The following ASB18 variants were observed in gnomAD, a reference collection of about 807,000 sequenced individuals.
ASB18 encodes the protein ankyrin repeat and SOCS box containing 18.
Under a neutral mutation model 33.4 loss-of-function variants are expected in ASB18, and 33 were observed. That is an observed-to-expected ratio of 0.99 (90% CI 0.75 to 1.32). ASB18 has a LOEUF of 1.32. ASB18 is among the 40% of genes most tolerant of loss of function. The pLI is 0.00. For synonymous variants in ASB18, 295 were observed against 307.6 expected (o/e 0.96, Z 0.43); for missense variants, 694 against 655.5 (o/e 1.06, Z -0.64).
intron 4 of ASB18, among the ~76,000 whole-genome samples, chr2:236,197,098 C>A (rs2060378046): frequency 6.6e-6 from 1 of 151,178 alleles, no homozygotes. Context: ...CATGGTTGAT[C>A]CTGCCCATCC....
Position 236,235,397 on chromosome 2 carries a change from A to T in ASB18, c.596+2292T>A, listed in dbSNP as rs1481232676. Among the ~76,000 whole-genome samples, 2 of 152,248 alleles carry T rather than the reference A, an allele frequency of 1.3e-5. No individual in the cohort carries two copies. Among genetic ancestry groups the T allele is most frequent in the Non-Finnish European group, 2.9e-5 (2 of 68,038 alleles). On this transcript the variant is annotated intron_variant, in intron 3 of 5. Coordinates refer to ENST00000409749, the MANE Select transcript of ASB18 (RefSeq NM_212556.4). This position sits in a 1 kb window ranked among gnomAD's most constrained non-coding sequence, Gnocchi z 6.2. ...GGCTATGCCATCCTGGTTTGTGTAA[A>T]TATACTCTATGATGTTTACACAATG...
chr2:236,242,918 G>A (rs1297187439), intron 1 of ASB18, among the ~76,000 whole-genome samples: 3 of 151,194 alleles, frequency 2.0e-5, no homozygotes, highest in Admixed American at 2.0e-4. Flanking sequence ...TATTTGGGAG[G>A]CTAAGGTGGG....
In ASB18 at chr2:236,252,081, A is replaced by T. The variant is rs186031721; in HGVS notation, c.206-10679T>A. ...AGGTCAGGAGTTCCAGACCAGGCTG[A>T]CCAACAGGGTAAAACCCCGTCTCTA... is the stretch of plus-strand genomic sequence containing the variant. On this transcript the variant is annotated intron_variant, in intron 1 of 5. Coordinates refer to ENST00000409749, the MANE Select transcript of ASB18 (RefSeq NM_212556.4). The surrounding 1 kb of genome is among the most constrained non-coding windows in gnomAD (Gnocchi z 7.9). Among the ~76,000 whole-genome samples, 29 of 152,274 alleles carry T rather than the reference A, an allele frequency of 1.9e-4. No individual in the cohort carries two copies. Among genetic ancestry groups the T allele is most frequent in the African/African-American group, 6.3e-4 (26 of 41,558 alleles).
rs1482970137 is a variant in ASB18, at chr2:236,217,162, C to T, written c.597-2296G>A. Reference sequence around the variant, plus strand: ...GTGGCTCATGCCGGTAATCCCAGCACTTTGGGAGTCTGAGGTGAGTGGATC... The same window carrying T: ...GTGGCTCATGCCGGTAATCCCAGCATTTTGGGAGTCTGAGGTGAGTGGATC... On this transcript the variant is annotated intron_variant, in intron 3 of 5. Coordinates refer to ENST00000409749, the MANE Select transcript of ASB18 (RefSeq NM_212556.4). This position sits in a 1 kb window ranked among gnomAD's most constrained non-coding sequence, Gnocchi z 5.2. Among the ~76,000 whole-genome samples, 4 of 152,190 alleles carry T rather than the reference C, an allele frequency of 2.6e-5. No homozygotes were observed. Among genetic ancestry groups the T allele is most frequent in the Non-Finnish European group, 5.9e-5 (4 of 68,042 alleles).
Position 236,225,809 on chromosome 2 carries a change from TA to T in ASB18, c.597-10944del, listed in dbSNP as rs5839629. 0.14 allele frequency among the ~76,000 whole-genome samples: 20,639 copies of T among 151,740 alleles called. 1,460 individuals carry two copies. The highest frequency in any genetic ancestry group is 0.22 in the Middle Eastern group (64 of 292). On this transcript the variant is annotated intron_variant, in intron 3 of 5. Transcript: ENST00000409749. The surrounding 1 kb of genome is among the most constrained non-coding windows in gnomAD (Gnocchi z 5.1). Reference sequence around the variant, plus strand: ...GGAAGCACAGGTAATTTTTTTTTTTTAATCCCAGGAACTCAGAGACTCAAAG... The same window carrying T: ...GGAAGCACAGGTAATTTTTTTTTTTTATCCCAGGAACTCAGAGACTCAAAG...
chr2:236,252,440 G>C lies in ASB18; in HGVS notation c.206-11038C>G, dbSNP rs545186861. ...TTAAGATGGGGATGCCTCAAATAAGGAATCAGAGTGATGGGGTAGGGATAG... is the reference window on the plus strand; with the variant it reads ...TTAAGATGGGGATGCCTCAAATAAGCAATCAGAGTGATGGGGTAGGGATAG... On this transcript the variant is annotated intron_variant, in intron 1 of 5. Coordinates refer to ENST00000409749, the MANE Select transcript of ASB18 (RefSeq NM_212556.4). The surrounding 1 kb of genome is among the most constrained non-coding windows in gnomAD (Gnocchi z 7.9). Among the ~76,000 whole-genome samples the C allele has an allele frequency of 3.6e-4, 55 of 152,222 alleles. No individual in the cohort carries two copies. The highest frequency in any genetic ancestry group is 1.0e-3 in the African/African-American group (43 of 41,538).
rs973511489 is a variant in ASB18 at position 236,200,965 on chromosome 2, T to G, written c.1102-4580A>C. Among the ~76,000 whole-genome samples, 1 of 152,240 alleles carries G rather than the reference T, an allele frequency of 6.6e-6. No individual in the cohort carries two copies. Among genetic ancestry groups the G allele is most frequent in the Admixed American group, 6.5e-5 (1 of 15,278 alleles). ...TCTCCTTAGGTATGTTTTGTTTGTC[T>G]TTCATGCTCCTTGGATTGACTGCTC... On this transcript the variant is annotated intron_variant, in intron 4 of 5. Transcript: ENST00000409749. This position sits in a 1 kb window ranked among gnomAD's most constrained non-coding sequence, Gnocchi z 4.2.
intron 1 of ASB18, among the ~76,000 whole-genome samples, chr2:236,261,260 T>C (rs1398849516): frequency 6.6e-6 from 1 of 152,122 alleles, no homozygotes; most frequent in African/African-American, 2.4e-5. Flanking sequence ...AGAACCTGGG[T>C]CCCTTTCCTC....
In ASB18 at chr2:236,194,940, G is replaced by T; in HGVS notation, c.1333C>A (p.Pro445Thr). 2 of 1,613,858 alleles carry T rather than the reference G, an allele frequency of 1.2e-6. No individual in the cohort carries two copies. Among genetic ancestry groups the T allele is most frequent in the Non-Finnish European group, 1.7e-6 (2 of 1,179,854 alleles). Residue 445 changes from proline to threonine, a missense_variant, in exon 6 of 6, where the codon CCC becomes ACC. Physicochemically the swap from Pro to Thr is conservative, Grantham distance 38 (BLOSUM62 -1). Coordinates refer to ENST00000409749, the MANE Select transcript of ASB18 (RefSeq NM_212556.4). This position sits in a 1 kb window ranked among gnomAD's most constrained non-coding sequence, Gnocchi z 4.5. ...LFGKRCFDLI[P>T]LLPLPKPLQN... Reference sequence around the variant, plus strand: ...AGGGGCTTTGGCAAGGGTAACAGGGGGATGAGGTCAAAGCACCTTTTGCCA... The same window carrying T: ...AGGGGCTTTGGCAAGGGTAACAGGGTGATGAGGTCAAAGCACCTTTTGCCA...
rs1378085474 is a variant in ASB18 at position 236,208,173 on chromosome 2, G to A, written c.1101+6189C>T. ...AAAGAGAGAGACAGAGCATGAACAC[G>A]GAGACACGGAGAAACCAAGCCACAG... On this transcript the variant is annotated intron_variant, in intron 4 of 5. Transcript: ENST00000409749. This position sits in a 1 kb window ranked among gnomAD's most constrained non-coding sequence, Gnocchi z 7.7. 1.3e-5 allele frequency among the ~76,000 whole-genome samples: 2 copies of A among 152,112 alleles called. No individual in the cohort carries two copies. Among genetic ancestry groups the A allele is most frequent in the African/African-American group, 2.4e-5 (1 of 41,432 alleles).
At position 236,255,060 on chromosome 2, in the gene ASB18, T is replaced by A. The variant is rs188676432; in HGVS notation, c.205+9081A>T. Among the ~76,000 whole-genome samples, 10 of 152,216 alleles carry A rather than the reference T, an allele frequency of 6.6e-5. No individual in the cohort carries two copies. Among genetic ancestry groups the A allele is most frequent in the Admixed American group, 6.5e-4 (10 of 15,282 alleles). On this transcript the variant is annotated intron_variant, in intron 1 of 5. Transcript: ENST00000409749. This position sits in a 1 kb window ranked among gnomAD's most constrained non-coding sequence, Gnocchi z 4.4. ...CGCCGCGACTGAAAGCTTCCTGAAGTCTCCCCAGAAGCCGAAGCCGCTACG... is the reference window on the plus strand; with the variant it reads ...CGCCGCGACTGAAAGCTTCCTGAAGACTCCCCAGAAGCCGAAGCCGCTACG...
rs188653006 is a variant in ASB18, at chr2:236,216,238, C to T, written c.597-1372G>A. 3.9e-5 allele frequency among the ~76,000 whole-genome samples: 6 copies of T among 152,352 alleles called. No individual in the cohort carries two copies. Among genetic ancestry groups the T allele is most frequent in the Non-Finnish European group, 1.5e-5 (1 of 68,030 alleles). On this transcript the variant is annotated intron_variant, in intron 3 of 5. Transcript: ENST00000409749. The surrounding 1 kb of genome is among the most constrained non-coding windows in gnomAD (Gnocchi z 6.1). ...TCTTTCAGTGTTAAGGCCACCTCCT[C>T]ATGCCTTGCTCTCCACTAACCACTC...
intron 1 of ASB18, among the ~76,000 whole-genome samples, chr2:236,246,159 C>T (rs999475008): frequency 6.6e-6 from 1 of 151,954 alleles, no homozygotes; most frequent in Non-Finnish European, 1.5e-5. Context: ...TCAAGACCAG[C>T]TTGGCCAACA....
At position 236,253,331 on chromosome 2, in the gene ASB18, C is replaced by A. The variant is rs1044825719; in HGVS notation, c.205+10810G>T. On this transcript the variant is annotated intron_variant, in intron 1 of 5. Transcript: ENST00000409749. The surrounding 1 kb of genome is among the most constrained non-coding windows in gnomAD (Gnocchi z 5.4). ...GGACCAGGGATTTTCTTTTCTGAGT[C>A]TAATTTGTTGCAGTTTGATTCTCAT... Among the ~76,000 whole-genome samples, 1 of 152,120 alleles carries A rather than the reference C, an allele frequency of 6.6e-6. No individual in the cohort carries two copies. Among genetic ancestry groups the A allele is most frequent in the Non-Finnish European group, 1.5e-5 (1 of 68,024 alleles).
In ASB18 at chr2:236,264,051, A is replaced by G; in HGVS notation, c.205+90T>C. 3 of 1,134,992 alleles carry G rather than the reference A, an allele frequency of 2.6e-6. No individual in the cohort carries two copies. Among genetic ancestry groups the G allele is most frequent in the South Asian group, 1.3e-5 (1 of 74,164 alleles). 70.3% of individuals were successfully genotyped at this position (1,134,992 alleles called of 1,614,324 possible). A position where few individuals can be genotyped will look rare whatever the true frequency, so the allele number is the denominator to read the frequency against. On this transcript the variant is annotated intron_variant, in intron 1 of 5. Coordinates refer to ENST00000409749, the MANE Select transcript of ASB18 (RefSeq NM_212556.4). The surrounding 1 kb of genome is among the most constrained non-coding windows in gnomAD (Gnocchi z 5.1). ...GAGTACATATCATTTACTTTTTCCA[A>G]ACATTTGCCCCTCTACCTCCAGGAT... is the stretch of plus-strand genomic sequence containing the variant.
chr2:236,237,616 G>T lies in ASB18; in HGVS notation c.596+73C>A. 8.1e-7 allele frequency: 1 copy of T among 1,231,984 alleles called. No individual in the cohort carries two copies. The highest frequency in any genetic ancestry group is 1.0e-6 in the Non-Finnish European group (1 of 960,998). 76.3% of individuals were successfully genotyped at this position (1,231,984 alleles called of 1,614,324 possible). A position where few individuals can be genotyped will look rare whatever the true frequency, so the allele number is the denominator to read the frequency against. On this transcript the variant is annotated intron_variant, in intron 3 of 5. Coordinates refer to ENST00000409749, the MANE Select transcript of ASB18 (RefSeq NM_212556.4). The surrounding 1 kb of genome is among the most constrained non-coding windows in gnomAD (Gnocchi z 6.2). Reference sequence around the variant, plus strand: ...GGACGGAGGCGGAGGCGGGGTCGGCGGTCTCGTGGGGGGAGGCGGGCGTCT... The same window carrying T: ...GGACGGAGGCGGAGGCGGGGTCGGCTGTCTCGTGGGGGGAGGCGGGCGTCT...
rs2106283278 is a variant in ASB18, at chr2:236,248,276, G to T, written c.206-6874C>A. 6.6e-6 allele frequency: 1 copy of T among 152,316 alleles called. No homozygotes were observed. Among genetic ancestry groups the T allele is most frequent in the East Asian group, 1.9e-4 (1 of 5,180 alleles). The allele number at this position is 152,316 out of a possible 1,614,324, so 9.4% of individuals were successfully genotyped here. A position where few individuals can be genotyped will look rare whatever the true frequency, so the allele number is the denominator to read the frequency against. On this transcript the variant is annotated intron_variant, in intron 1 of 5. Transcript: ENST00000409749. This position sits in a 1 kb window ranked among gnomAD's most constrained non-coding sequence, Gnocchi z 4.9. ...TCAGGCATAATGGGTTGGAGGTGCAGCCTGGGCAACAGGACTGTTAAAAAG... is the reference window on the plus strand; with the variant it reads ...TCAGGCATAATGGGTTGGAGGTGCATCCTGGGCAACAGGACTGTTAAAAAG...
intron 4 of ASB18, among the ~76,000 whole-genome samples, chr2:236,212,498 AAT>A (rs1255007779): frequency 1.3e-5 from 2 of 152,226 alleles, no homozygotes; most frequent in Non-Finnish European, 2.9e-5. Context: ...TCGCTACTGA[AAT>A]ATATTGACTC....
rs1396834126 is a variant in ASB18, at chr2:236,219,080, T to A, written c.597-4214A>T. The stretch of plus-strand genomic sequence containing the variant: ...TTGTATTGACAGGGTCTTGCTATGT[T>A]TCCCAGGCTGCTCTCAAACTCCTGG... On this transcript the variant is annotated intron_variant, in intron 3 of 5. Coordinates refer to ENST00000409749, the MANE Select transcript of ASB18 (RefSeq NM_212556.4). The surrounding 1 kb of genome is among the most constrained non-coding windows in gnomAD (Gnocchi z 6.4). Among the ~76,000 whole-genome samples, 1 of 151,922 alleles carries A rather than the reference T, an allele frequency of 6.6e-6. No individual in the cohort carries two copies. Among genetic ancestry groups the A allele is most frequent in the African/African-American group, 2.4e-5 (1 of 41,336 alleles).
Sources: gnomAD v4.1 joint callset for allele counts (sites outside exome capture counted in the v4.1 genomes callset) on GRCh38, gnomAD v4.1.1 for gene constraint, Gnocchi (gnomAD v3.1) non-coding constraint, MANE v1.5 for transcripts, NCBI Gene and HGNC (gene_info 2026-07-23, HGNC 2026-07-21) for gene names.